Variants in THOC7 observed in about 807,000 individuals in gnomAD.
The protein encoded by THOC7 is THO complex subunit 7.
Under a neutral mutation model 33.1 loss-of-function variants are expected in THOC7, and 22 were observed. The observed-to-expected ratio is 0.66, with a 90% confidence interval of 0.47 to 0.95. The LOEUF is 0.95. Ranked by LOEUF, THOC7 falls within the 40% of genes least tolerant of loss-of-function variation. THOC7 has a pLI of 0.00. For missense variants in THOC7, 184 were observed against 245.3 expected (o/e 0.75, Z 1.67); for synonymous variants, 77 against 76.8 (o/e 1.00, Z -0.01).
intron 1 of THOC7, among the ~76,000 whole-genome samples, chr3:63,855,474 A>T (rs1020835017): frequency 6.6e-6 from 1 of 152,192 alleles, no homozygotes; most frequent in Non-Finnish European, 1.5e-5. Context: ...GCAGGAAGAA[A>T]TGACTCCTTT....
intron 1 of THOC7, among the ~76,000 whole-genome samples, chr3:63,862,675 G>A (rs1367344241): frequency 2.6e-5 from 4 of 152,144 alleles, no homozygotes; most frequent in African/African-American, 9.7e-5. Flanking sequence ...GCCCTTTAAT[G>A]TGGAGACCCT....
chr3:63,856,933 TGGTCTTGAAC>T (rs1702126393), intron 1 of THOC7, among the ~76,000 whole-genome samples: 1 of 152,152 alleles, frequency 6.6e-6, no homozygotes, highest in African/African-American at 2.4e-5. Context: ...TTAGCCAGGA[TGGTCTTGAAC>T]GCCTGACCTC....
chr3:63,853,385 G>T (rs1318669399), intron 1 of THOC7, among the ~76,000 whole-genome samples: 2 of 152,058 alleles, frequency 1.3e-5, no homozygotes, highest in Admixed American at 1.3e-4. Flanking sequence ...ACAGCCAACT[G>T]CCTAGACCAG....
At chr3:63,845,059 ACTC>A in intron 1 of THOC7, 1 of 696,612 alleles carries the variant, frequency 1.4e-6, no homozygotes, top group South Asian at 1.5e-5. Flanking sequence ...CTGACCTGAG[ACTC>A]CTTGAGGAAC....
intron 3 of THOC7, 152 bp from the exon 4 acceptor site, chr3:63,838,214 T>A: frequency 1.1e-6 from 1 of 900,940 alleles, no homozygotes; most frequent in South Asian, 1.9e-5. Flanking sequence ...TATATCATCT[T>A]AGAATACACA....
intron 1 of THOC7, among the ~76,000 whole-genome samples, chr3:63,847,683 G>C (rs1194022180): frequency 6.6e-6 from 1 of 150,512 alleles, no homozygotes; most frequent in African/African-American, 2.4e-5. Flanking sequence ...GTTGCAGTGA[G>C]CCAAGATCGT....
intron 1 of THOC7, among the ~76,000 whole-genome samples, chr3:63,859,895 A>G (rs1408687200): frequency 6.6e-6 from 1 of 152,238 alleles, no homozygotes; most frequent in Non-Finnish European, 1.5e-5. Context: ...TAGATATTCA[A>G]TCAAAAAACC....
chr3:63,848,599 T>G (rs1325845053), intron 1 of THOC7: 4 of 152,234 alleles, frequency 2.6e-5, no homozygotes, highest in African/African-American at 9.6e-5. Flanking sequence ...CTGTGGCATG[T>G]CTTTAACCTT....
chr3:63,835,401 T>G lies in THOC7; in HGVS notation c.411-11A>C. Reference sequence around the variant, plus strand: ...AGAGCCTCTAGTTCCCTGGAAATAATAAAACAGTGTTACATTTTGCTGAAT... The same window carrying G: ...AGAGCCTCTAGTTCCCTGGAAATAAGAAAACAGTGTTACATTTTGCTGAAT... On this transcript the variant is annotated splice_polypyrimidine_tract_variant and intron_variant, in intron 5 of 7. Coordinates refer to ENST00000295899, the MANE Select transcript of THOC7 (RefSeq NM_025075.4). 6.2e-7 allele frequency: 1 copy of G among 1,612,536 alleles called. No individual in the cohort carries two copies. Among genetic ancestry groups the G allele is most frequent in the Non-Finnish European group, 8.5e-7 (1 of 1,179,400 alleles).
At chr3:63,846,060 G>A (rs1470984865) in intron 1 of THOC7, 1 of 267,250 alleles carries the variant, frequency 3.7e-6, no homozygotes, top group Non-Finnish European at 7.7e-6. Flanking sequence ...AAGATTCACT[G>A]TAAAGAGCTA....
intron 1 of THOC7, chr3:63,846,297 C>A: frequency 2.5e-6 from 1 of 399,954 alleles, no homozygotes; most frequent in Non-Finnish European, 5.0e-6. Context: ...GACTTGCACT[C>A]CCTGGACAAA....
At chr3:63,849,896 G>A (rs895248124) in intron 1 of THOC7, among the ~76,000 whole-genome samples, 34 of 152,094 alleles carry the variant, frequency 2.2e-4, no homozygotes, top group African/African-American at 7.2e-4. Flanking sequence ...AGCAAAAGCT[G>A]GACAACTCGA....
intron 1 of THOC7, among the ~76,000 whole-genome samples, chr3:63,849,479 G>A (rs1287001290): frequency 2.0e-5 from 3 of 152,096 alleles, no homozygotes; most frequent in Admixed American, 6.6e-5. Flanking sequence ...GAACCTCAAG[G>A]TACTAGATAC....
intron 5 of THOC7, 88 bp from the exon 6 acceptor site, chr3:63,835,478 T>G: frequency 8.3e-7 from 1 of 1,209,906 alleles, no homozygotes; most frequent in Non-Finnish European, 1.2e-6. Context: ...CTAGATAGGA[T>G]TTTTAAAATA....
At chr3:63,855,519 C>G (rs1319496766) in intron 1 of THOC7, among the ~76,000 whole-genome samples, 11 of 152,202 alleles carry the variant, frequency 7.2e-5, no homozygotes, top group Admixed American at 6.5e-4. Context: ...TTCTAGGCCT[C>G]TGGTCAGATG....
chr3:63,849,472 C>T (rs1701978273), intron 1 of THOC7, among the ~76,000 whole-genome samples: 1 of 152,132 alleles, frequency 6.6e-6, no homozygotes, highest in Non-Finnish European at 1.5e-5. Context: ...GGCCCATGAA[C>T]CTCAAGGTAC....
At chr3:63,837,458 G>A (rs1701658847) in intron 4 of THOC7, among the ~76,000 whole-genome samples, 1 of 151,894 alleles carries the variant, frequency 6.6e-6, no homozygotes, top group Non-Finnish European at 1.5e-5. Context: ...TTAAAAACAA[G>A]AGATTATAAC....
chr3:63,842,477 A>C (rs1455362708), intron 1 of THOC7, among the ~76,000 whole-genome samples: 1 of 152,226 alleles, frequency 6.6e-6, no homozygotes, highest in African/African-American at 2.4e-5. Context: ...GAGTGAATAA[A>C]GAAAATGTGG....
At chr3:63,860,099 G>A (rs901480924) in intron 1 of THOC7, among the ~76,000 whole-genome samples, 3 of 152,110 alleles carry the variant, frequency 2.0e-5, no homozygotes, top group African/African-American at 7.2e-5. Flanking sequence ...CTCCTGAGTA[G>A]CTGGGACTAC....
Sources: allele counts gnomAD v4.1 joint callset (sites outside exome capture counted in the v4.1 genomes callset), GRCh38; gene constraint gnomAD v4.1.1; transcripts MANE v1.5; gene names NCBI Gene and HGNC (gene_info 2026-07-23, HGNC 2026-07-21).